AKAP8L: variants seen among roughly 807,000 people sequenced by gnomAD.
AKAP8L encodes A-kinase anchoring protein 8 like.
A neutral mutation model predicts 77.5 loss-of-function variants in AKAP8L; 34 were observed. The observed-to-expected ratio is 0.44, with a 90% confidence interval of 0.33 to 0.58. The LOEUF (loss-of-function observed/expected upper bound fraction) is 0.58. Ranked by LOEUF, AKAP8L falls within the 20% of genes least tolerant of loss-of-function variation. The pLI, the probability that AKAP8L is intolerant of heterozygous loss-of-function variation, is 0.02. For synonymous variants in AKAP8L, 342 were observed against 340.7 expected, an observed-to-expected ratio of 1.00 and a Z score of -0.04; for missense variants, 806 against 887.6, an observed-to-expected ratio of 0.91 and a Z score of 1.17.
At chr19:15,410,993 T>C (rs1234425307) in intron 1 of AKAP8L, among the ~76,000 whole-genome samples, 2 of 152,132 alleles carry the variant, frequency 1.3e-5, no homozygotes, top group East Asian at 3.9e-4. Flanking sequence ...TTATACTTTT[T>C]TGTAGAGATG....
At chr19:15,393,936 G>A (rs1295366469) in intron 12 of AKAP8L, among the ~76,000 whole-genome samples, 1 of 150,068 alleles carries the variant, frequency 6.7e-6, no homozygotes, top group Non-Finnish European at 1.5e-5. Context: ...CAGAAACTAA[G>A]TGTTGGTGAG....
intron 2 of AKAP8L, among the ~76,000 whole-genome samples, chr19:15,408,836 CACTCCAGCCTGGGGGACAGAGTGAG>C (rs1968053694): frequency 6.7e-6 from 1 of 148,494 alleles, no homozygotes; most frequent in Admixed American, 6.7e-5. Context: ...CGCGCCACTG[CACTCCAGCCTGGGGGACAGAGTGAG>C]ACTCTGTCTC....
Position 15,417,929 on chromosome 19 carries a change from C to T in AKAP8L, c.13+982G>A, listed in dbSNP as rs1375103688. Among the ~76,000 whole-genome samples the T allele has an allele frequency of 2.0e-5, 3 of 152,166 alleles. No homozygotes were observed. In the East Asian group the frequency reaches 5.8e-4, roughly 29 times the overall value. On this transcript the variant is annotated intron_variant, in intron 1 of 13. Transcript: ENST00000397410. Reference sequence around the variant, plus strand: ...AGTCGCCCAAGCATATTGCGGGGGGCGGAGAGGGGCTCTCGGATCTGTCAC... The same window carrying T: ...AGTCGCCCAAGCATATTGCGGGGGGTGGAGAGGGGCTCTCGGATCTGTCAC...
intron 12 of AKAP8L, among the ~76,000 whole-genome samples, chr19:15,390,215 A>C (rs1418216168): frequency 6.6e-6 from 1 of 152,096 alleles, no homozygotes; most frequent in Non-Finnish European, 1.5e-5. Context: ...CAGAAATTTG[A>C]TACCAGCCTG....
intron 12 of AKAP8L, among the ~76,000 whole-genome samples, chr19:15,395,463 C>T (rs568186705): frequency 1.3e-5 from 2 of 151,520 alleles, no homozygotes; most frequent in East Asian, 2.0e-4. Flanking sequence ...TTACAGTGCC[C>T]GCCATCACGC....
Position 15,397,620 on chromosome 19 carries a change from G to A in AKAP8L, c.1305C>T (p.Tyr435=), listed in dbSNP as rs762819421. The change falls in exon 11 of 14, where the codon TAC becomes TAT. Residue 435 remains tyrosine, a synonymous_variant. Transcript: ENST00000397410. The surrounding 1 kb of genome is among the most constrained non-coding windows in gnomAD (Gnocchi z 4.7). ...CTGTCTTCTTGGTCTTGTTAGTGACGTACTCCTGCAAGGAATATAAAGGTT... is the reference window on the plus strand; with the variant it reads ...CTGTCTTCTTGGTCTTGTTAGTGACATACTCCTGCAAGGAATATAAAGGTT... The part of the protein sequence containing the change: ...PKQTADFLQE[Y]VTNKTKKTEE... 16 of 1,613,738 alleles carry A rather than the reference G, an allele frequency of 9.9e-6. No individual in the cohort carries two copies. Among genetic ancestry groups the A allele is most frequent in the African/African-American group, 1.3e-5 (1 of 74,870 alleles).
chr19:15,416,312 G>A (rs1055733249), intron 1 of AKAP8L, among the ~76,000 whole-genome samples: 9 of 152,164 alleles, frequency 5.9e-5, no homozygotes, highest in Non-Finnish European at 1.3e-4. Flanking sequence ...AACTAATAGA[G>A]CTAGCCAGTG....
At position 15,398,868 on chromosome 19, in the gene AKAP8L, GC is replaced by G; in HGVS notation, c.1157+433del. 2.1e-6 allele frequency: 2 copies of G among 942,366 alleles called. No homozygotes were observed. The highest frequency in any genetic ancestry group is 2.6e-6 in the Non-Finnish European group (2 of 778,480). The allele number at this position is 942,366 out of a possible 1,614,324, so 58.4% of individuals were successfully genotyped here. A position where few individuals can be genotyped will look rare whatever the true frequency, so the allele number is the denominator to read the frequency against. On this transcript the variant is annotated intron_variant, in intron 9 of 13. Transcript: ENST00000397410. This position sits in a 1 kb window ranked among gnomAD's most constrained non-coding sequence, Gnocchi z 9.2. The stretch of plus-strand genomic sequence containing the variant: ...CAGGGCAGAAGGCAGGCCCGAGGCT[GC>G]CACAGCCCACAGGTGCTGCCATCTC...
intron 12 of AKAP8L, 77 bp from the exon 13 acceptor site, chr19:15,380,689 G>T: frequency 1.4e-6 from 2 of 1,418,856 alleles, no homozygotes; most frequent in East Asian, 2.3e-5. Flanking sequence ...TGCCAGCTTA[G>T]AGGGACCCCA....
At position 15,390,380 on chromosome 19, in the gene AKAP8L, T is replaced by C. The variant is rs1482109900; in HGVS notation, c.1536+6770A>G. Among the ~76,000 whole-genome samples the C allele has an allele frequency of 3.4e-5, 5 of 148,910 alleles. 1 individual carries two copies. Among genetic ancestry groups the C allele is most frequent in the African/African-American group, 1.2e-4 (5 of 40,318 alleles). ...GTTGCAGTGAGCCGAGATCACACCG[T>C]TGCACTCCAGCCTAGGCGACAGAGT... On this transcript the variant is annotated intron_variant, in intron 12 of 13. Transcript: ENST00000397410.
chr19:15,380,550 C>T lies in AKAP8L; in HGVS notation c.1599G>A (p.Lys533=), dbSNP rs1468497754. Residue 533 remains lysine, a synonymous_variant, in exon 13 of 14, where the codon AAG becomes AAA. Transcript: ENST00000397410. Reference sequence around the variant, plus strand: ...AGCGCTCCAGCTTCTTGCTGATGAGCTTGTTGTTGAGAATACTGCGGGCCA... The same window carrying T: ...AGCGCTCCAGCTTCTTGCTGATGAGTTTGTTGTTGAGAATACTGCGGGCCA... ...LMVARSILNN[K]LISKKLERYL... 4 of 1,613,816 alleles carry T rather than the reference C, an allele frequency of 2.5e-6. No individual in the cohort carries two copies. Among genetic ancestry groups the T allele is most frequent in the African/African-American group, 2.7e-5 (2 of 74,938 alleles).
At chr19:15,406,863 A>G (rs1244491886) in intron 2 of AKAP8L, among the ~76,000 whole-genome samples, 1 of 152,242 alleles carries the variant, frequency 6.6e-6, no homozygotes, top group East Asian at 1.9e-4. Context: ...CTTTAACGTA[A>G]TAGTTAATCA....
chr19:15,384,914 A>G (rs1368540014), intron 12 of AKAP8L, among the ~76,000 whole-genome samples: 1 of 151,618 alleles, frequency 6.6e-6, no homozygotes, highest in African/African-American at 2.4e-5. Context: ...TTTGTCGCCC[A>G]GGCTGGAGTG....
At position 15,380,625 on chromosome 19, in the gene AKAP8L, CAGA is replaced by C. The variant is rs756498212; in HGVS notation, c.1537-16_1537-14del. ...GCTCCATCATGAGCTGCGGGCAGGG[CAGA>C]AGGAGCTGGAGAGGCTGCTCTGAGT... is the stretch of plus-strand genomic sequence containing the variant. On this transcript the variant is annotated splice_polypyrimidine_tract_variant and intron_variant, in intron 12 of 13. Coordinates refer to ENST00000397410, the MANE Select transcript of AKAP8L (RefSeq NM_014371.4). 4.3e-6 allele frequency: 7 copies of C among 1,612,560 alleles called. No homozygotes were observed. The highest frequency in any genetic ancestry group is 3.3e-5 in the Admixed American group (2 of 60,002).
chr19:15,397,892 G>T lies in AKAP8L; in HGVS notation c.1158-37C>A. On this transcript the variant is annotated intron_variant, in intron 9 of 13. Coordinates refer to ENST00000397410, the MANE Select transcript of AKAP8L (RefSeq NM_014371.4). This position sits in a 1 kb window ranked among gnomAD's most constrained non-coding sequence, Gnocchi z 4.7. ...AGGAAACGAGGGGCTGAGGCTGCAA[G>T]TGTCCCAGGGGATAGTGCTGCCGCC... is the stretch of plus-strand genomic sequence containing the variant. 1 of 1,605,310 alleles carries T rather than the reference G, an allele frequency of 6.2e-7. No individual in the cohort carries two copies.
In AKAP8L at chr19:15,398,760, G is replaced by A. The variant is rs1476310234; in HGVS notation, c.1157+542C>T. The A allele has an allele frequency of 3.0e-6, 3 of 992,488 alleles. No individual in the cohort carries two copies. The highest frequency in any genetic ancestry group is 1.7e-5 in the African/African-American group (1 of 57,290). The allele number at this position is 992,488 out of a possible 1,614,324, so 61.5% of individuals were successfully genotyped here. On this transcript the variant is annotated intron_variant, in intron 9 of 13. Coordinates refer to ENST00000397410, the MANE Select transcript of AKAP8L (RefSeq NM_014371.4). This position sits in a 1 kb window ranked among gnomAD's most constrained non-coding sequence, Gnocchi z 9.2. ...AGGCGGAGGAGGCAAGCGCCAGTGC[G>A]GGAGCCCTGAGGGCAGACAGACCCG...
At chr19:15,386,631 T>G (rs541428199) in intron 12 of AKAP8L, among the ~76,000 whole-genome samples, 1 of 152,090 alleles carries the variant, frequency 6.6e-6, no homozygotes, top group Non-Finnish European at 1.5e-5. Flanking sequence ...TTAAGGGGTA[T>G]GATATCTTCC....
chr19:15,380,598 C>T lies in AKAP8L; in HGVS notation c.1551G>A (p.Gln517=). Residue 517 remains glutamine, a synonymous_variant, in exon 13 of 14, where the codon CAG becomes CAA. Coordinates refer to ENST00000397410, the MANE Select transcript of AKAP8L (RefSeq NM_014371.4). ...HNRNRRLMME[Q]SKKSSLMVAR... Reference sequence around the variant, plus strand: ...CCACCATGAGGGAGGACTTCTTGGACTGCTCCATCATGAGCTGCGGGCAGG... The same window carrying T: ...CCACCATGAGGGAGGACTTCTTGGATTGCTCCATCATGAGCTGCGGGCAGG... 2 of 1,613,700 alleles carry T rather than the reference C, an allele frequency of 1.2e-6. No homozygotes were observed. The highest frequency in any genetic ancestry group is 8.5e-7 in the Non-Finnish European group (1 of 1,179,878).
intron 1 of AKAP8L, 110 bp downstream of exon 1, chr19:15,418,801 G>A (rs1417166693): frequency 4.5e-6 from 5 of 1,104,600 alleles, no homozygotes; most frequent in African/African-American, 3.1e-5. Context: ...TGTGACCGCA[G>A]GGAAGGCAGT....
Sources: gnomAD v4.1 joint callset for allele counts (sites outside exome capture counted in the v4.1 genomes callset) on GRCh38, gnomAD v4.1.1 for gene constraint, Gnocchi (gnomAD v3.1) non-coding constraint, MANE v1.5 for transcripts, NCBI Gene and HGNC (gene_info 2026-07-23, HGNC 2026-07-21) for gene names.